ERC1: variants seen among roughly 807,000 people sequenced by gnomAD.
ERC1 encodes RAB6 interacting protein 2.
A neutral mutation model predicts 132.0 loss-of-function variants in ERC1; 56 were observed. The observed-to-expected ratio is 0.42, with a 90% CI of 0.34 to 0.53. The LOEUF is 0.53. Among genes scored for constraint, ERC1 ranks in the 20% least tolerant of loss-of-function variants. ERC1 has a pLI of 0.03. For synonymous variants in ERC1, 478 were observed against 476.1 expected (o/e 1.00, Z -0.05); for missense variants, 1,202 against 1,349.9 (o/e 0.89, Z 1.72).
chr12:1,082,369 C>T (rs1480056455), intron 2 of ERC1, among the ~76,000 whole-genome samples: 1 of 151,404 alleles, frequency 6.6e-6, no homozygotes, highest in Non-Finnish European at 1.5e-5. Flanking sequence ...TCATGTTGGC[C>T]AGGCTGGTCT....
At chr12:1,203,170 G>C (rs1339584664) in intron 12 of ERC1, among the ~76,000 whole-genome samples, 1 of 152,186 alleles carries the variant, frequency 6.6e-6, no homozygotes, top group Admixed American at 6.5e-5. Flanking sequence ...CGATTCTTGT[G>C]CCTCAGCCTC....
At chr12:1,449,471 C>G (rs1050156741) in intron 18 of ERC1, among the ~76,000 whole-genome samples, 8 of 152,152 alleles carry the variant, frequency 5.3e-5, no homozygotes, top group African/African-American at 1.7e-4. Flanking sequence ...CCATGCTGTT[C>G]TCATGATAGT....
intron 7 of ERC1, among the ~76,000 whole-genome samples, chr12:1,117,743 T>G (rs1313370884): frequency 6.6e-6 from 1 of 152,240 alleles, no homozygotes; most frequent in African/African-American, 2.4e-5. Flanking sequence ...ATTGTTATCA[T>G]TTTATAATTC....
At chr12:1,255,079 T>C (rs1267403594) in intron 13 of ERC1, among the ~76,000 whole-genome samples, 1 of 152,056 alleles carries the variant, frequency 6.6e-6, no homozygotes, top group Non-Finnish European at 1.5e-5. Flanking sequence ...TTTCTCCTAA[T>C]GTTATCCCTC....
chr12:1,203,860 G>A (rs968387116), intron 12 of ERC1: 3 of 152,366 alleles, frequency 2.0e-5, no homozygotes, highest in African/African-American at 7.2e-5. Flanking sequence ...ATGTAAACAA[G>A]CCTGTGTATT....
At chr12:1,394,025 A>C (rs998211288) in intron 16 of ERC1, among the ~76,000 whole-genome samples, 37 of 115,928 alleles carry the variant, frequency 3.2e-4, no homozygotes, top group Non-Finnish European at 4.8e-4. Context: ...CAAAAAAAAA[A>C]AAAAAAAACA....
intron 2 of ERC1, among the ~76,000 whole-genome samples, chr12:1,032,905 CTA>C (rs1033537252): frequency 2.0e-5 from 3 of 151,972 alleles, no homozygotes; most frequent in Admixed American, 6.6e-5. Context: ...CAGAGCCTCT[CTA>C]TGTCACCCAG....
At chr12:1,221,846 A>T (rs1959016613) in intron 12 of ERC1, among the ~76,000 whole-genome samples, 1 of 152,134 alleles carries the variant, frequency 6.6e-6, no homozygotes, top group South Asian at 2.1e-4. Context: ...GAGTGTGTGT[A>T]TGTGTGTGCA....
intron 16 of ERC1, chr12:1,385,979 T>C (rs1188086300): frequency 1.3e-5 from 2 of 150,952 alleles, no homozygotes; most frequent in Non-Finnish European, 3.0e-5. Flanking sequence ...GAAATTACTC[T>C]CCTTGTCAGA....
intron 5 of ERC1, 93 bp from the exon 6 acceptor site, chr12:1,112,122 T>C (rs1314613542): frequency 9.0e-6 from 7 of 779,102 alleles, no homozygotes; most frequent in South Asian, 7.5e-5. Context: ...ATATAAGTTA[T>C]TGTTATTTCT....
At chr12:1,410,342 C>T (rs1455784976) in intron 17 of ERC1, 4 of 880,444 alleles carry the variant, frequency 4.5e-6, no homozygotes, top group Admixed American at 2.4e-5. Context: ...CTTTTTCATT[C>T]CATGCTGCCC....
At chr12:1,277,415 C>T (rs2078349008) in intron 14 of ERC1, among the ~76,000 whole-genome samples, 1 of 152,110 alleles carries the variant, frequency 6.6e-6, no homozygotes, top group South Asian at 2.1e-4. Context: ...CAAGATTTGC[C>T]TCATCTTTCC....
At chr12:1,217,664 C>G (rs1014110652) in intron 12 of ERC1, among the ~76,000 whole-genome samples, 1 of 152,218 alleles carries the variant, frequency 6.6e-6, no homozygotes, top group Non-Finnish European at 1.5e-5. Flanking sequence ...CTCTCGTCTC[C>G]ACTCCAATTA....
intron 2 of ERC1, among the ~76,000 whole-genome samples, chr12:1,057,874 G>A (rs571910593): frequency 1.3e-4 from 20 of 152,112 alleles, no homozygotes; most frequent in African/African-American, 4.6e-4. Flanking sequence ...GATTACAAGC[G>A]TGAGCCACCG....
intron 17 of ERC1, among the ~76,000 whole-genome samples, chr12:1,422,646 G>A (rs1381648955): frequency 1.3e-5 from 2 of 152,062 alleles, no homozygotes; most frequent in Non-Finnish European, 2.9e-5. Context: ...TGTAAATAGT[G>A]CTGCACTAAA....
intron 13 of ERC1, among the ~76,000 whole-genome samples, chr12:1,248,080 A>G (rs1309303365): frequency 1.3e-5 from 2 of 152,256 alleles, no homozygotes; most frequent in East Asian, 3.8e-4. Context: ...ATGATGATGT[A>G]ATATGGCTAT....
intron 13 of ERC1, among the ~76,000 whole-genome samples, chr12:1,245,451 A>G (rs1369546637): frequency 6.6e-6 from 1 of 152,084 alleles, no homozygotes; most frequent in Admixed American, 6.5e-5. Context: ...CCATTCCTTT[A>G]TTGTCCTTGT....
chr12:1,431,914 T>C (rs2092807840), intron 17 of ERC1, among the ~76,000 whole-genome samples: 1 of 152,224 alleles, frequency 6.6e-6, no homozygotes, highest in African/African-American at 2.4e-5. Context: ...TTGTTTGTTT[T>C]TGAGACAGGG....
chr12:1,263,006 C>G, intron 13 of ERC1, 28 bp from the exon 14 acceptor site: 1 of 1,612,050 alleles, frequency 6.2e-7, no homozygotes, highest in South Asian at 1.1e-5. Flanking sequence ...AATTAATCCA[C>G]TTCACCTAGT....
Sources: allele counts gnomAD v4.1 joint callset (sites outside exome capture counted in the v4.1 genomes callset), GRCh38; gene constraint gnomAD v4.1.1; transcripts MANE v1.5; gene names NCBI Gene and HGNC (gene_info 2026-07-23, HGNC 2026-07-21).